The following ZNF33B variants were observed in gnomAD, a reference collection of about 807,000 sequenced individuals.
ZNF33B encodes the protein zinc finger protein 11b (KOX 2).
ZNF33B carries 29 observed loss-of-function variants against 45.8 expected under a neutral mutation model. That is an observed-to-expected ratio of 0.63 (90% CI 0.47 to 0.86). The LOEUF (loss-of-function observed/expected upper bound fraction) is 0.86. Among genes scored for constraint, ZNF33B ranks in the 40% least tolerant of loss-of-function variants. The probability of loss-of-function intolerance (pLI) is 0.00; values close to 1 mark genes in which losing one functional copy is unlikely to be tolerated. For synonymous variants in ZNF33B, 305 were observed against 307.8 expected (o/e 0.99, Z 0.10); for missense variants, 831 against 909.9 (o/e 0.91, Z 1.12).
intron 4 of ZNF33B, among the ~76,000 whole-genome samples, chr10:42,608,648 AGAG>A (rs1337626915): frequency 1.3e-5 from 2 of 152,122 alleles, no homozygotes; most frequent in Non-Finnish European, 2.9e-5. Flanking sequence ...AGCAATGCTT[AGAG>A]AGAGATTTGT....
At chr10:42,617,267 C>T (rs1838367920) in intron 4 of ZNF33B, among the ~76,000 whole-genome samples, 1 of 151,610 alleles carries the variant, frequency 6.6e-6, no homozygotes, top group African/African-American at 2.4e-5. Context: ...CCACACCTGG[C>T]TAATGTCTTT....
chr10:42,594,831 G>C, intron 4 of ZNF33B, 132 bp from the exon 5 acceptor site: 1 of 1,027,984 alleles, frequency 9.7e-7, no homozygotes, highest in Non-Finnish European at 1.3e-6. Context: ...GAACATAATT[G>C]CAAGTGCATA....
chr10:42,593,796 A>G lies in ZNF33B; in HGVS notation c.1154T>C (p.Phe385Ser). The G allele has an allele frequency of 6.2e-7, 1 of 1,613,730 alleles. No individual in the cohort carries two copies. Among genetic ancestry groups the G allele is most frequent in the Non-Finnish European group, 8.5e-7 (1 of 1,179,830 alleles). The stretch of plus-strand genomic sequence containing the variant: ...GGCTTTCCCACATTCATTGCATTCA[A>G]AAGGTTTCTCCCCTGTGTGTGATCT... ...HQRSHTGEKP[F>S]ECNECGKAFS... The change falls in exon 5 of 5, where the codon TTT (phenylalanine) becomes TCT (serine). Residue 385 changes from phenylalanine to serine, a missense_variant. Physicochemically the swap from Phe to Ser is radical, Grantham distance 155. Transcript: ENST00000359467.
intron 4 of ZNF33B, among the ~76,000 whole-genome samples, chr10:42,615,796 A>AT (rs1317482435): frequency 6.6e-6 from 1 of 152,022 alleles, no homozygotes. Flanking sequence ...ATAGTGGTGC[A>AT]TGCCTGCAAT....
At position 42,593,154 on chromosome 10, in the gene ZNF33B, T is replaced by C. The variant is rs139019633; in HGVS notation, c.1796A>G (p.His599Arg). 1.2e-5 allele frequency: 19 copies of C among 1,613,688 alleles called. No individual in the cohort carries two copies. The highest frequency in any genetic ancestry group is 1.4e-5 in the Non-Finnish European group (17 of 1,179,940). The change falls in exon 5 of 5, where the codon CAT (histidine) becomes CGT (arginine). Residue 599 changes from histidine to arginine, a missense_variant. By Grantham distance (29) the His-to-Arg change is conservative. Transcript: ENST00000359467. ...IFYNKSYLTK[H>R]NRTHTGEKPY... ...TTTCTCCCCTGTATGTGTTCTATTATGTTTTGTTAGGTATGATTTATTGTA... is the reference window on the plus strand; with the variant it reads ...TTTCTCCCCTGTATGTGTTCTATTACGTTTTGTTAGGTATGATTTATTGTA...
Position 42,632,571 on chromosome 10 carries a change from C to A in ZNF33B, c.10-132G>T, listed in dbSNP as rs879035809. 2.5e-6 allele frequency: 3 copies of A among 1,199,482 alleles called. No homozygotes were observed. In the African/African-American group the frequency reaches 4.7e-5, roughly 19 times the overall value. 74.3% of individuals were successfully genotyped at this position (1,199,482 alleles called of 1,614,324 possible). A position where few individuals can be genotyped will look rare whatever the true frequency, so the allele number is the denominator to read the frequency against. ...AGAAATCATAACAGAAATATTCTGC[C>A]ATTAATGCATTAAGATATTAATTCA... On this transcript the variant is annotated intron_variant, in intron 2 of 4. Coordinates refer to ENST00000359467, the MANE Select transcript of ZNF33B (RefSeq NM_006955.3).
chr10:42,636,804 G>C, intron 2 of ZNF33B, 116 bp downstream of exon 2: 9 of 1,443,422 alleles, frequency 6.2e-6, no homozygotes, highest in Non-Finnish European at 8.7e-6. Context: ...CTCCAGCCTG[G>C]GCGACAGAGC....
intron 4 of ZNF33B, among the ~76,000 whole-genome samples, chr10:42,617,090 C>CTTT (rs1370254051): frequency 3.5e-5 from 3 of 85,682 alleles, no homozygotes; most frequent in East Asian, 3.1e-4. Context: ...TTCATTTTTT[C>CTTT]TCTTTTTTTT....
chr10:42,608,199 G>A (rs1045573838), intron 4 of ZNF33B, among the ~76,000 whole-genome samples: 9 of 152,142 alleles, frequency 5.9e-5, no homozygotes, highest in East Asian at 1.9e-4. Flanking sequence ...CTCAAAGTAC[G>A]CGTAGCAAAA....
At chr10:42,584,145 G>A (rs1836881345), downstream of ZNF33B, among the ~76,000 whole-genome samples, 1 of 152,254 alleles carries the variant, frequency 6.6e-6, no homozygotes. Context: ...CACCTGAGTT[G>A]TGCCAGGAGA....
At chr10:42,606,664 A>C (rs905535249) in intron 4 of ZNF33B, among the ~76,000 whole-genome samples, 1 of 151,946 alleles carries the variant, frequency 6.6e-6, no homozygotes, top group Non-Finnish European at 1.5e-5. Context: ...GAGGGGAACA[A>C]CACACACTGG....
In ZNF33B at chr10:42,592,928, G is replaced by A; in HGVS notation, c.2022C>T (p.Phe674=). Residue 674 remains phenylalanine, a synonymous_variant, in exon 5 of 5, where the codon TTC becomes TTT. Transcript: ENST00000359467. ...GTAAAATAAGTCCTGACTTCACACA[G>A]AAAGATTTTCCACATTCGTTACATT... ...PYKCNECGKS[F]CVKSGLILHE... The A allele has an allele frequency of 6.2e-7, 1 of 1,612,062 alleles. No homozygotes were observed. The highest frequency in any genetic ancestry group is 8.5e-7 in the Non-Finnish European group (1 of 1,179,460).
chr10:42,584,431 T>C (rs115938727), downstream of ZNF33B, among the ~76,000 whole-genome samples: 2,548 of 151,934 alleles, frequency 0.017, 76 homozygotes, highest in African/African-American at 0.059. Flanking sequence ...AATTGCCACC[T>C]GGGGACAGGG....
At chr10:42,614,853 C>T (rs2132106865) in intron 4 of ZNF33B, among the ~76,000 whole-genome samples, 1 of 152,038 alleles carries the variant, frequency 6.6e-6, no homozygotes, top group Non-Finnish European at 1.5e-5. Context: ...ACTCAGGAGG[C>T]TGAGGCAGAG....
At chr10:42,602,018 A>G (rs536155228) in intron 4 of ZNF33B, among the ~76,000 whole-genome samples, 39 of 149,868 alleles carry the variant, frequency 2.6e-4, no homozygotes, top group Non-Finnish European at 4.1e-4. Context: ...CCCAAGGCTC[A>G]AGTGATCCTC....
chr10:42,621,170 A>C (rs542851510), intron 4 of ZNF33B, among the ~76,000 whole-genome samples: 125 of 151,898 alleles, frequency 8.2e-4, no homozygotes, highest in Non-Finnish European at 1.2e-3. Context: ...AAAAAAAAAA[A>C]AAAAAAAGAT....
chr10:42,583,601 T>C lies in ZNF33B; in HGVS notation c.74-8923A>G, dbSNP rs936103565. 2.6e-5 allele frequency among the ~76,000 whole-genome samples: 4 copies of C among 152,286 alleles called. 1 individual carries two copies. The East Asian group carries it at 5.8e-4, about 22-fold the overall frequency. On this transcript the variant is annotated intron_variant, in intron 1 of 1. Coordinates refer to the ZNF33B transcript ENST00000462075. ...GGCTTCTAGGCACTAGACACCAGTATAGACCTTGCCCCTCAACTAACCCCC... is the reference window on the plus strand; with the variant it reads ...GGCTTCTAGGCACTAGACACCAGTACAGACCTTGCCCCTCAACTAACCCCC...
chr10:42,621,330 A>T (rs1408854944), intron 4 of ZNF33B, among the ~76,000 whole-genome samples: 1 of 149,550 alleles, frequency 6.7e-6, no homozygotes, highest in Non-Finnish European at 1.5e-5. Context: ...AGACTCTTTT[A>T]AAAAAAAAAT....
chr10:42,586,303 GCCA>G (rs1052554741), downstream of ZNF33B, among the ~76,000 whole-genome samples: 209 of 151,880 alleles, frequency 1.4e-3, 1 homozygote, highest in African/African-American at 4.8e-3. Context: ...ACAGGTGCCT[GCCA>G]CCACGCCTGG....
Sources: allele counts gnomAD v4.1 joint callset (sites outside exome capture counted in the v4.1 genomes callset), GRCh38; gene constraint gnomAD v4.1.1; transcripts MANE v1.5; gene names NCBI Gene and HGNC (gene_info 2026-07-23, HGNC 2026-07-21).